The following PCDH9 variants were observed in gnomAD, a reference collection of about 807,000 sequenced individuals.
The protein encoded by PCDH9 is protocadherin-9.
Under a neutral mutation model 70.6 loss-of-function variants are expected in PCDH9, and 24 were observed. The observed-to-expected ratio is 0.34, with a 90% CI of 0.25 to 0.48. PCDH9 has a LOEUF of 0.48. PCDH9 is among the 20% of genes least tolerant of loss of function. The pLI, the probability that PCDH9 is intolerant of heterozygous loss-of-function variation, is 0.99. For synonymous variants in PCDH9, 562 were observed against 558.5 expected, an observed-to-expected ratio of 1.01 and a Z score of -0.09; for missense variants, 1,281 against 1,503.6, an observed-to-expected ratio of 0.85 and a Z score of 2.45.
At chr13:66,730,876 G>GTCTTTTTTT (rs1555262846) in intron 3 of PCDH9, among the ~76,000 whole-genome samples, 1 of 46,358 alleles carries the variant, frequency 2.2e-5, no homozygotes, top group Non-Finnish European at 4.0e-5. Flanking sequence ...GTGTGTGTGT[G>GTCTTTTTTT]TTTTTTTTTT....
chr13:67,050,594 G>T (rs543430200), intron 2 of PCDH9, among the ~76,000 whole-genome samples: 1 of 152,152 alleles, frequency 6.6e-6, no homozygotes, highest in South Asian at 2.1e-4. Flanking sequence ...GCTACATATT[G>T]TTATTGTACA....
intron 2 of PCDH9, chr13:67,224,931 TAA>T: frequency 2.1e-6 from 2 of 937,752 alleles, no homozygotes; most frequent in Non-Finnish European, 2.6e-6. Context: ...GTTTAGAGAC[TAA>T]AAAAAAAATT....
chr13:66,383,100 A>T (rs528131367), intron 4 of PCDH9, among the ~76,000 whole-genome samples: 54 of 152,330 alleles, frequency 3.5e-4, no homozygotes, highest in African/African-American at 1.2e-3. Flanking sequence ...TTTACAAAGC[A>T]CAATATAGTT....
intron 2 of PCDH9, among the ~76,000 whole-genome samples, chr13:67,130,618 A>G (rs898179006): frequency 6.6e-6 from 1 of 152,146 alleles, no homozygotes; most frequent in Non-Finnish European, 1.5e-5. Context: ...ATCTTGCTGG[A>G]CAGAGGTCCA....
At position 66,894,028 on chromosome 13, in the gene PCDH9, T is replaced by C. The variant is rs1262683922; in HGVS notation, c.3138+9476A>G. Among the ~76,000 whole-genome samples the C allele has an allele frequency of 4.6e-5, 7 of 152,170 alleles. No homozygotes were observed. In the East Asian group the frequency reaches 1.3e-3, roughly 29 times the overall value. On this transcript the variant is annotated intron_variant, in intron 3 of 4. Coordinates refer to ENST00000377865, the MANE Select transcript of PCDH9 (RefSeq NM_203487.3). ...ATAAAATTTAAAAACAAAATTCTAA[T>C]ATTCAATTTCAAACTCGATGTCTGA... is the stretch of plus-strand genomic sequence containing the variant.
intron 2 of PCDH9, among the ~76,000 whole-genome samples, chr13:67,097,324 T>C (rs2086341535): frequency 6.6e-6 from 1 of 152,052 alleles, no homozygotes; most frequent in Non-Finnish European, 1.5e-5. Context: ...CTAAAAGCTA[T>C]CCTGTTAATT....
intron 2 of PCDH9, chr13:66,915,056 A>G (rs2082535644): frequency 1.3e-5 from 2 of 151,860 alleles, no homozygotes; most frequent in East Asian, 1.9e-4. Context: ...TTCAGTTCAT[A>G]GTAGTTTTCT....
intron 4 of PCDH9, among the ~76,000 whole-genome samples, chr13:66,621,608 T>A (rs544194388): frequency 6.6e-6 from 1 of 152,332 alleles, no homozygotes; most frequent in Admixed American, 6.5e-5. Flanking sequence ...GCACTTTCCT[T>A]TTTATGCCTC....
chr13:66,924,339 T>G (rs1202496473), intron 2 of PCDH9, among the ~76,000 whole-genome samples: 1 of 151,852 alleles, frequency 6.6e-6, no homozygotes, highest in Non-Finnish European at 1.5e-5. Context: ...AATATTCCTA[T>G]TTTAAAGTAT....
chr13:66,617,996 C>T (rs1384338923), intron 4 of PCDH9, among the ~76,000 whole-genome samples: 1 of 152,172 alleles, frequency 6.6e-6, no homozygotes, highest in African/African-American at 2.4e-5. Context: ...CCAGCCTGCG[C>T]ACTGAGTTGG....
intron 2 of PCDH9, among the ~76,000 whole-genome samples, chr13:66,909,251 AG>A (rs1448038663): frequency 6.6e-6 from 1 of 152,158 alleles, no homozygotes; most frequent in Non-Finnish European, 1.5e-5. Flanking sequence ...AGGAGTTGAA[AG>A]ATCTTTACAA....
chr13:66,784,808 G>C (rs1419657920), intron 3 of PCDH9, among the ~76,000 whole-genome samples: 3 of 152,052 alleles, frequency 2.0e-5, no homozygotes, highest in Non-Finnish European at 2.9e-5. Flanking sequence ...AAATAGGCTA[G>C]TTAAAATATA....
intron 3 of PCDH9, among the ~76,000 whole-genome samples, chr13:66,815,175 TCA>T (rs1174847585): frequency 6.6e-6 from 1 of 152,018 alleles, no homozygotes; most frequent in Non-Finnish European, 1.5e-5. Flanking sequence ...AAAAACATGC[TCA>T]ACATCACCAA....
At chr13:66,571,929 G>T (rs976335973) in intron 4 of PCDH9, among the ~76,000 whole-genome samples, 1 of 151,810 alleles carries the variant, frequency 6.6e-6, no homozygotes, top group East Asian at 1.9e-4. Flanking sequence ...ATAATTTGTT[G>T]TAGTTGTTCC....
Position 66,649,783 on chromosome 13 carries a change from GATATAA to G in PCDH9, c.3139-18378_3139-18373del, listed in dbSNP as rs1298216358. Reference sequence around the variant, plus strand: ...TTTCAAGACATCAATGGTACAAAAAGATATAAATAGAAAAAACAAAAAGGTAAAAAG... The same window carrying G: ...TTTCAAGACATCAATGGTACAAAAAGATAGAAAAAACAAAAAGGTAAAAAG... On this transcript the variant is annotated intron_variant, in intron 3 of 4. Coordinates refer to ENST00000377865, the MANE Select transcript of PCDH9 (RefSeq NM_203487.3). 4.6e-5 allele frequency among the ~76,000 whole-genome samples: 7 copies of G among 151,984 alleles called. No individual in the cohort carries two copies. The East Asian group carries it at 1.4e-3, about 29-fold the overall frequency.
Position 66,587,264 on chromosome 13 carries a change from C to T in PCDH9, c.3340+43946G>A, listed in dbSNP as rs577520719. On this transcript the variant is annotated intron_variant, in intron 4 of 4. Transcript: ENST00000377865. ...AGTGAGACATGATTGGACCACTGTA[C>T]TCCACTGTGGGAAACAGAGTGAGAC... is the stretch of plus-strand genomic sequence containing the variant. 9.2e-5 allele frequency among the ~76,000 whole-genome samples: 14 copies of T among 152,162 alleles called. No individual in the cohort carries two copies. The South Asian group carries it at 2.7e-3, about 29-fold the overall frequency.
At chr13:66,760,222 A>G (rs552444029) in intron 3 of PCDH9, among the ~76,000 whole-genome samples, 2 of 152,276 alleles carry the variant, frequency 1.3e-5, no homozygotes, top group African/African-American at 4.8e-5. Flanking sequence ...TCTGCTGGAC[A>G]TATTAAAACT....
rs1035232035 is a variant in PCDH9, at chr13:66,303,979, C to T, written c.*676G>A. On this transcript the variant is annotated 3_prime_UTR_variant, in exon 5 of 5. Transcript: ENST00000377865. ...AGACAGACTACTAACACAGAAACAC[C>T]TCACTGAAAGAAACAACAAAAATAA... The T allele has an allele frequency of 1.3e-5, 2 of 152,000 alleles. No homozygotes were observed. The highest frequency in any genetic ancestry group is 4.8e-5 in the African/African-American group (2 of 41,330). The allele number at this position is 152,000 out of a possible 1,614,324, so 9.4% of individuals were successfully genotyped here.
At chr13:67,207,320 G>A (rs937197883) in intron 2 of PCDH9, 8 of 152,104 alleles carry the variant, frequency 5.3e-5, no homozygotes, top group Admixed American at 3.3e-4. Context: ...CTAAGAGAGC[G>A]CAGTGTCTAA....
Sources: gnomAD v4.1 joint callset for allele counts (sites outside exome capture counted in the v4.1 genomes callset) on GRCh38, gnomAD v4.1.1 for gene constraint, MANE v1.5 for transcripts, NCBI Gene and HGNC (gene_info 2026-07-23, HGNC 2026-07-21) for gene names.